RABGAP1L: variants seen among roughly 807,000 people sequenced by gnomAD.
RABGAP1L encodes the protein RAB GTPase activating protein 1 like.
In RABGAP1L, 63 loss-of-function variants were observed where a neutral mutation model predicts 137.7. The observed-to-expected ratio is 0.46, with a 90% CI of 0.37 to 0.56. The LOEUF (loss-of-function observed/expected upper bound fraction) is 0.56. Among genes scored for constraint, RABGAP1L ranks in the 20% least tolerant of loss-of-function variants. The pLI is 0.00. For missense variants in RABGAP1L, 1,095 were observed against 1,244.0 expected (o/e 0.88, Z 1.80); for synonymous variants, 431 against 433.7 (o/e 0.99, Z 0.08).
chr1:174,573,413 T>C (rs1057307878), intron 13 of RABGAP1L, among the ~76,000 whole-genome samples: 2 of 152,084 alleles, frequency 1.3e-5, no homozygotes, highest in Non-Finnish European at 2.9e-5. Context: ...CCATCAAAAG[T>C]CATTAAGTGT....
chr1:174,283,504 TG>T lies in RABGAP1L; in HGVS notation c.1323+4726del, dbSNP rs201374330. Among the ~76,000 whole-genome samples, 50 of 150,550 alleles carry T rather than the reference TG, an allele frequency of 3.3e-4. 1 individual carries two copies. The highest frequency in any genetic ancestry group is 5.8e-4 in the East Asian group (3 of 5,134). On this transcript the variant is annotated intron_variant, in intron 10 of 25. Transcript: ENST00000681986. ...TTTTGGGAAGAGTTGCTGTTTTTTT[TG>T]TTTGTTTGTTTGTTTTTTTGAGACG...
At chr1:174,374,266 G>A (rs149662464) in intron 12 of RABGAP1L, among the ~76,000 whole-genome samples, 158 of 152,224 alleles carry the variant, frequency 1.0e-3, no homozygotes, top group African/African-American at 3.4e-3. Context: ...AATAAGCAAC[G>A]TGTCTCCTGC....
At chr1:174,367,035 G>T (rs1684696602) in intron 11 of RABGAP1L, 1 of 152,048 alleles carries the variant, frequency 6.6e-6, no homozygotes, top group Non-Finnish European at 1.5e-5. Context: ...TTTCTGTGAA[G>T]AACTCTTCAA....
At chr1:174,795,625 G>A (rs1688188057) in intron 18 of RABGAP1L, among the ~76,000 whole-genome samples, 1 of 152,176 alleles carries the variant, frequency 6.6e-6, no homozygotes, top group African/African-American at 2.4e-5. Context: ...GAGTGTAGTG[G>A]CACAATAGTG....
rs556937541 is a variant in RABGAP1L, at chr1:174,312,934, C to T, written c.1465+7807C>T. ...ACGTATGGATTTATTTCTGGGTTCT[C>T]TCTTCAGTTCCATTGGTCTATGTGT... On this transcript the variant is annotated intron_variant, in intron 11 of 25. Coordinates refer to ENST00000681986, the MANE Select transcript of RABGAP1L (RefSeq NM_001366446.1). Among the ~76,000 whole-genome samples the T allele has an allele frequency of 6.8e-4, 104 of 152,286 alleles. 1 individual carries two copies. The highest frequency in any genetic ancestry group is 2.3e-3 in the African/African-American group (95 of 41,554).
chr1:174,252,785 T>C (rs1398774549), intron 7 of RABGAP1L, among the ~76,000 whole-genome samples, 195 bp downstream of exon 7: 1 of 152,220 alleles, frequency 6.6e-6, no homozygotes, highest in African/African-American at 2.4e-5. Flanking sequence ...TAAGTAAACA[T>C]GAAATGGTTT....
intron 1 of RABGAP1L, among the ~76,000 whole-genome samples, chr1:174,165,106 A>G (rs1571326334): frequency 6.6e-6 from 1 of 152,226 alleles, no homozygotes; most frequent in African/African-American, 2.4e-5. Context: ...TGGTAAAAAG[A>G]TAAAGATAAG....
At chr1:174,937,611 C>G (rs1665071011) in intron 19 of RABGAP1L, among the ~76,000 whole-genome samples, 1 of 99,464 alleles carries the variant, frequency 1.0e-5, no homozygotes, top group South Asian at 2.8e-4. Flanking sequence ...AATAGCAATA[C>G]TTCATTAAAT....
chr1:174,323,381 TAAAC>T (rs1399418987), intron 11 of RABGAP1L, among the ~76,000 whole-genome samples: 2 of 152,212 alleles, frequency 1.3e-5, no homozygotes, highest in East Asian at 3.9e-4. Flanking sequence ...TTTTTCATGA[TAAAC>T]AAAATAAAGA....
At chr1:174,302,880 A>G (rs1000427792) in intron 10 of RABGAP1L, among the ~76,000 whole-genome samples, 4 of 152,222 alleles carry the variant, frequency 2.6e-5, no homozygotes, top group Non-Finnish European at 4.4e-5. Flanking sequence ...TTGAAGATGC[A>G]TGTTGGTTTA....
chr1:174,758,386 G>A (rs1420344637), intron 18 of RABGAP1L, among the ~76,000 whole-genome samples: 1 of 150,924 alleles, frequency 6.6e-6, no homozygotes, highest in Non-Finnish European at 1.5e-5. Context: ...TCATTCCCCT[G>A]GTTTCATCTA....
At chr1:174,237,169 C>A (rs1374207468) in intron 4 of RABGAP1L, among the ~76,000 whole-genome samples, 2 of 151,660 alleles carry the variant, frequency 1.3e-5, no homozygotes, top group East Asian at 1.9e-4. Flanking sequence ...TGTGTCTCTG[C>A]ACGTGAGATG....
At chr1:174,399,843 C>T (rs549862043) in intron 13 of RABGAP1L, among the ~76,000 whole-genome samples, 148 of 152,174 alleles carry the variant, frequency 9.7e-4, no homozygotes, top group Non-Finnish European at 1.7e-3. Context: ...TGGGGTAAAC[C>T]GCCCCCATGA....
chr1:174,864,653 C>T (rs1650892533), intron 19 of RABGAP1L, among the ~76,000 whole-genome samples: 1 of 152,186 alleles, frequency 6.6e-6, no homozygotes, highest in East Asian at 1.9e-4. Flanking sequence ...GGTCCCTCCC[C>T]CAACATATGG....
intron 19 of RABGAP1L, among the ~76,000 whole-genome samples, chr1:174,890,232 A>C (rs1655898477): frequency 6.6e-6 from 1 of 152,228 alleles, no homozygotes; most frequent in South Asian, 2.1e-4. Context: ...TGTATGAGTC[A>C]GTGATGTGAG....
intron 18 of RABGAP1L, chr1:174,799,859 A>G: frequency 1.0e-6 from 1 of 988,136 alleles, no homozygotes; most frequent in Non-Finnish European, 1.2e-6. Context: ...GCAGCTTCAC[A>G]ACTGCCCTGG....
chr1:174,189,458 C>A (rs529243474), intron 1 of RABGAP1L, among the ~76,000 whole-genome samples: 1 of 152,218 alleles, frequency 6.6e-6, no homozygotes, highest in South Asian at 2.1e-4. Context: ...TTTATACTTA[C>A]ATGTCATGGA....
chr1:174,414,404 G>A (rs939444556), intron 13 of RABGAP1L, among the ~76,000 whole-genome samples: 3 of 151,800 alleles, frequency 2.0e-5, no homozygotes, highest in African/African-American at 4.8e-5. Context: ...TCTGCTTTTC[G>A]GTTGTATGAC....
intron 13 of RABGAP1L, among the ~76,000 whole-genome samples, chr1:174,522,173 C>G (rs564397353): frequency 1.4e-3 from 220 of 152,118 alleles, no homozygotes; most frequent in African/African-American, 5.0e-3. Context: ...TGGCAGAAGA[C>G]TAAAGGCATA....
Sources: gnomAD v4.1 joint callset for allele counts (sites outside exome capture counted in the v4.1 genomes callset) on GRCh38, gnomAD v4.1.1 for gene constraint, MANE v1.5 for transcripts, NCBI Gene and HGNC (gene_info 2026-07-23, HGNC 2026-07-21) for gene names.